LEPROTL1: variants seen among roughly 807,000 people sequenced by gnomAD.
The protein encoded by LEPROTL1 is leptin receptor overlapping transcript like 1.
A neutral mutation model predicts 15.4 loss-of-function variants in LEPROTL1; 6 were observed. The ratio of observed to expected loss-of-function variants is 0.39; its 90% CI spans 0.21 to 0.77. The LOEUF (loss-of-function observed/expected upper bound fraction) is 0.77. Ranked by LOEUF, LEPROTL1 falls within the 30% of genes least tolerant of loss-of-function variation. The probability of loss-of-function intolerance (pLI) is 0.41; values close to 1 mark genes in which losing one functional copy is unlikely to be tolerated. For missense variants in LEPROTL1, 128 were observed against 158.1 expected, an observed-to-expected ratio of 0.81 and a Z score of 1.02; for synonymous variants, 56 against 52.6, an observed-to-expected ratio of 1.06 and a Z score of -0.28.
chr8:30,116,128 C>A (rs889417983), intron 3 of LEPROTL1, among the ~76,000 whole-genome samples: 1 of 152,046 alleles, frequency 6.6e-6, no homozygotes, highest in Non-Finnish European at 1.5e-5. Context: ...GTGGTCCCAG[C>A]TACCTAGGAA....
Position 30,106,176 on chromosome 8 carries a change from T to A in LEPROTL1, c.*314T>A, listed in dbSNP as rs1284896251. On this transcript the variant is annotated 3_prime_UTR_variant, in exon 4 of 4. Coordinates refer to ENST00000321250, the MANE Select transcript of LEPROTL1 (RefSeq NM_015344.3). ...GATTTTTTTTGGAATCAATATGCAA[T>A]GTTAAACACTTTTTTAATGTAATCA... The A allele has an allele frequency of 3.6e-5, 36 of 990,982 alleles. No homozygotes were observed. Among genetic ancestry groups the A allele is most frequent in the Non-Finnish European group, 4.2e-5 (35 of 833,324 alleles). 61.4% of individuals were successfully genotyped at this position (990,982 alleles called of 1,614,324 possible).
intron 3 of LEPROTL1, among the ~76,000 whole-genome samples, chr8:30,119,526 C>G (rs1327523485): frequency 6.6e-6 from 1 of 152,092 alleles, no homozygotes; most frequent in African/African-American, 2.4e-5. Flanking sequence ...AATTTCTATT[C>G]TGTGTCTGTG....
At chr8:30,134,217 G>A (rs988327262) in intron 4 of LEPROTL1, among the ~76,000 whole-genome samples, 25 of 152,176 alleles carry the variant, frequency 1.6e-4, no homozygotes, top group African/African-American at 6.0e-4. Context: ...GAGGTCAAGA[G>A]ATCGAGACCA....
chr8:30,109,625 A>T (rs1802625692), downstream of LEPROTL1, among the ~76,000 whole-genome samples: 1 of 152,142 alleles, frequency 6.6e-6, no homozygotes, highest in African/African-American at 2.4e-5. Flanking sequence ...TTTTCATACA[A>T]CTGAGTATTT....
At chr8:30,109,327 C>T (rs1802621128), downstream of LEPROTL1, among the ~76,000 whole-genome samples, 1 of 152,060 alleles carries the variant, frequency 6.6e-6, no homozygotes, top group South Asian at 2.1e-4. Context: ...AGATTAGGAG[C>T]TCTGATTTTA....
chr8:30,112,401 A>ATTTTTTTTTT (rs10684450), downstream of LEPROTL1, among the ~76,000 whole-genome samples: 1,593 of 27,878 alleles, frequency 0.057, 331 homozygotes, highest in Non-Finnish European at 0.079. Context: ...TGCCCAGCTA[A>ATTTTTTTTTT]TTTTTTTTTT....
At chr8:30,102,365 T>G (rs1244211973) in intron 2 of LEPROTL1, among the ~76,000 whole-genome samples, 3 of 151,948 alleles carry the variant, frequency 2.0e-5, no homozygotes, top group Non-Finnish European at 4.4e-5. Context: ...AACAATTACT[T>G]TCCGGCCGGG....
intron 3 of LEPROTL1, among the ~76,000 whole-genome samples, chr8:30,120,816 G>C (rs1464056643): frequency 6.6e-6 from 1 of 152,226 alleles, no homozygotes; most frequent in Non-Finnish European, 1.5e-5. Context: ...ACAGGCATGA[G>C]CCACCACACC....
downstream of LEPROTL1, among the ~76,000 whole-genome samples, chr8:30,109,251 C>T (rs1356576901): frequency 1.3e-5 from 2 of 152,108 alleles, no homozygotes; most frequent in Admixed American, 6.6e-5. Context: ...ATGATGTATA[C>T]GATTGGTGGG....
In LEPROTL1 at chr8:30,103,770, A is replaced by G. The variant is rs370065801; in HGVS notation, c.93-530A>G. 5.9e-5 allele frequency among the ~76,000 whole-genome samples: 9 copies of G among 152,104 alleles called. No homozygotes were observed. In the East Asian group the frequency reaches 1.2e-3, roughly 20 times the overall value. On this transcript the variant is annotated intron_variant, in intron 2 of 3. Coordinates refer to ENST00000321250, the MANE Select transcript of LEPROTL1 (RefSeq NM_015344.3). ...AAAAAAAAAAAAAAATTTAGGAAAC[A>G]TAAGTAGCTGCTTATCATTAGCCTC...
At position 30,107,932 on chromosome 8, in the gene LEPROTL1, A is replaced by G. The variant is rs1802596243; in HGVS notation, c.*2070A>G. The G allele has an allele frequency of 4.1e-6, 4 of 985,322 alleles. No individual in the cohort carries two copies. Among genetic ancestry groups the G allele is most frequent in the Non-Finnish European group, 4.8e-6 (4 of 829,810 alleles). The allele number at this position is 985,322 out of a possible 1,614,324, so 61.0% of individuals were successfully genotyped here. On this transcript the variant is annotated 3_prime_UTR_variant, in exon 4 of 4. Coordinates refer to ENST00000321250, the MANE Select transcript of LEPROTL1 (RefSeq NM_015344.3). Reference sequence around the variant, plus strand: ...CTTTGACCTTGTATACTAGCTTGACATAGTGCTGTCTCTGATTTCTAGGCT... The same window carrying G: ...CTTTGACCTTGTATACTAGCTTGACGTAGTGCTGTCTCTGATTTCTAGGCT...
At chr8:30,103,567 T>TC (rs1802505766) in intron 2 of LEPROTL1, among the ~76,000 whole-genome samples, 1 of 142,836 alleles carries the variant, frequency 7.0e-6, no homozygotes, top group African/African-American at 3.0e-5. Context: ...ATGGTGAAAC[T>TC]CCATCTCCAC....
At chr8:30,134,695 A>G (rs891546863) in intron 4 of LEPROTL1, among the ~76,000 whole-genome samples, 4 of 151,148 alleles carry the variant, frequency 2.6e-5, no homozygotes, top group Non-Finnish European at 4.4e-5. Flanking sequence ...TTACAGGTGC[A>G]CGCCACCACG....
downstream of LEPROTL1, among the ~76,000 whole-genome samples, chr8:30,113,277 AAC>A (rs1802682144): frequency 6.9e-6 from 1 of 145,226 alleles, no homozygotes; most frequent in Non-Finnish European, 1.5e-5. Flanking sequence ...CTGTCACAAA[AAC>A]AAAACAAACA....
Position 30,107,606 on chromosome 8 carries a change from C to T in LEPROTL1, c.*1744C>T, listed in dbSNP as rs1260863600. On this transcript the variant is annotated 3_prime_UTR_variant, in exon 4 of 4. Transcript: ENST00000321250. ...GATGACGGGAAGCAGGACGAAATAT[C>T]GGCGTGTGGCTGGAGCCTTCCCACT... 6 of 985,666 alleles carry T rather than the reference C, an allele frequency of 6.1e-6. No individual in the cohort carries two copies. Among genetic ancestry groups the T allele is most frequent in the African/African-American group, 1.7e-5 (1 of 57,222 alleles). The allele number at this position is 985,666 out of a possible 1,614,324, so 61.1% of individuals were successfully genotyped here.
intron 3 of LEPROTL1, among the ~76,000 whole-genome samples, chr8:30,123,217 A>G (rs755964255): frequency 6.6e-6 from 1 of 152,190 alleles, no homozygotes; most frequent in Non-Finnish European, 1.5e-5. Context: ...GTGTATGGAT[A>G]TTTTATGACC....
intron 4 of LEPROTL1, chr8:30,137,200 A>T: frequency 8.8e-7 from 1 of 1,135,432 alleles, no homozygotes; most frequent in Non-Finnish European, 1.3e-6. Flanking sequence ...GTTTCCTCTC[A>T]TCTCAGGGAT....
rs1005506988 is a variant in LEPROTL1, at chr8:30,137,546, G to T, written c.*234G>T. On this transcript the variant is annotated 3_prime_UTR_variant, in exon 5 of 5. Transcript: ENST00000442880. ...AGACACTGCACCATGTAGGCAACAC[G>T]TGGCAGTGATGATTAGTCACAAAAT... 3 of 1,359,226 alleles carry T rather than the reference G, an allele frequency of 2.2e-6. No individual in the cohort carries two copies. In the Admixed American group the frequency reaches 6.3e-5, roughly 29 times the overall value. 84.2% of individuals were successfully genotyped at this position (1,359,226 alleles called of 1,614,324 possible).
intron 3 of LEPROTL1, chr8:30,117,683 G>A: frequency 6.8e-7 from 1 of 1,465,542 alleles, no homozygotes. Context: ...CGATGACTTT[G>A]GAGCACGGCC....
Sources: gnomAD v4.1 joint callset for allele counts (sites outside exome capture counted in the v4.1 genomes callset) on GRCh38, gnomAD v4.1.1 for gene constraint, MANE v1.5 for transcripts, NCBI Gene and HGNC (gene_info 2026-07-23, HGNC 2026-07-21) for gene names.